The following AHCYL1 variants were observed in gnomAD, a reference collection of about 807,000 sequenced individuals.
The protein encoded by AHCYL1 is adenosylhomocysteinase like 1.
AHCYL1 carries 20 observed loss-of-function variants against 79.3 expected under a neutral mutation model. The observed-to-expected ratio is 0.25, with a 90% CI of 0.18 to 0.37. AHCYL1 has a LOEUF of 0.37. Ranked by LOEUF, AHCYL1 falls within the 10% of genes least tolerant of loss-of-function variation. The probability of loss-of-function intolerance (pLI) is 1.00; values close to 1 mark genes in which losing one functional copy is unlikely to be tolerated. For missense variants in AHCYL1, 330 were observed against 673.6 expected (o/e 0.49, Z 5.65); for synonymous variants, 223 against 242.2 (o/e 0.92, Z 0.74).
intron 1 of AHCYL1, among the ~76,000 whole-genome samples, chr1:109,998,249 T>G (rs1257837750): frequency 6.6e-6 from 1 of 152,210 alleles, no homozygotes; most frequent in African/African-American, 2.4e-5. Context: ...TGCAGTTGTA[T>G]TCAGCTTATG....
At position 110,000,414 on chromosome 1, in the gene AHCYL1, G is replaced by A. The variant is rs190874144; in HGVS notation, c.121-8620G>A. On this transcript the variant is annotated intron_variant, in intron 1 of 16. Coordinates refer to ENST00000369799, the MANE Select transcript of AHCYL1 (RefSeq NM_006621.7). ...TTTGTTACCACAGTGTTTGGGCTCTGCTATTACTGGGCTCTCCTCACCCTT... is the reference window on the plus strand; with the variant it reads ...TTTGTTACCACAGTGTTTGGGCTCTACTATTACTGGGCTCTCCTCACCCTT... Among the ~76,000 whole-genome samples the A allele has an allele frequency of 2.5e-3, 379 of 152,342 alleles. 1 individual carries two copies. The highest frequency in any genetic ancestry group is 4.5e-3 in the Non-Finnish European group (305 of 68,038).
chr1:110,020,991 C>A (rs181200356), intron 16 of AHCYL1, 140 bp downstream of exon 16: 2 of 1,287,196 alleles, frequency 1.6e-6, no homozygotes, highest in African/African-American at 3.1e-5. Flanking sequence ...GGCACGGTGG[C>A]TCACGCCTGT....
chr1:110,014,076 C>T (rs534999441), intron 5 of AHCYL1, among the ~76,000 whole-genome samples: 2 of 152,160 alleles, frequency 1.3e-5, no homozygotes, highest in East Asian at 3.9e-4. Flanking sequence ...GCTGGGATTA[C>T]AGGCGTGAGA....
chr1:110,011,573 A>G (rs1651036329), intron 3 of AHCYL1, among the ~76,000 whole-genome samples: 1 of 152,224 alleles, frequency 6.6e-6, no homozygotes, highest in African/African-American at 2.4e-5. Flanking sequence ...GATTACACAC[A>G]GAGTAGTTTC....
At position 110,021,808 on chromosome 1, in the gene AHCYL1, T is replaced by C. The variant is rs2101749297; in HGVS notation, c.*128T>C. ...TTTCCTATAATTTCATTCTTGTTTT[T>C]TCATCTCATTATCCAAGTTCTGCAG... is the stretch of plus-strand genomic sequence containing the variant. On this transcript the variant is annotated 3_prime_UTR_variant, in exon 17 of 17. Transcript: ENST00000369799. The C allele has an allele frequency of 9.7e-7, 1 of 1,034,784 alleles. No individual in the cohort carries two copies. The highest frequency in any genetic ancestry group is 1.4e-6 in the Non-Finnish European group (1 of 713,312). The allele number at this position is 1,034,784 out of a possible 1,614,324, so 64.1% of individuals were successfully genotyped here.
At chr1:109,989,711 C>T (rs576682117) in intron 1 of AHCYL1, among the ~76,000 whole-genome samples, 3 of 152,240 alleles carry the variant, frequency 2.0e-5, no homozygotes, top group Middle Eastern at 6.8e-3. Flanking sequence ...ATCATTTATA[C>T]GTACCTGTTT....
chr1:110,004,534 A>T, intron 1 of AHCYL1: 1 of 972,620 alleles, frequency 1.0e-6, no homozygotes, highest in Non-Finnish European at 1.2e-6. Context: ...AGTGAAAGGT[A>T]TTCAGACTTG....
chr1:109,989,811 T>C (rs1489536615), intron 1 of AHCYL1, among the ~76,000 whole-genome samples: 1 of 152,228 alleles, frequency 6.6e-6, no homozygotes, highest in Non-Finnish European at 1.5e-5. Context: ...TAGAACTGAA[T>C]AGTAATTCAG....
chr1:109,986,773 G>T (rs1465696565), intron 1 of AHCYL1, among the ~76,000 whole-genome samples: 2 of 152,140 alleles, frequency 1.3e-5, no homozygotes, highest in Non-Finnish European at 2.9e-5. Flanking sequence ...TTAAGGCAGG[G>T]ATTCTTGTTC....
rs761520685 is a variant in AHCYL1, at chr1:110,005,035, A to G, written c.121-3999A>G. 1.2e-3 allele frequency among the ~76,000 whole-genome samples: 180 copies of G among 152,330 alleles called. 1 individual carries two copies. The highest frequency in any genetic ancestry group is 2.2e-3 in the Non-Finnish European group (147 of 68,028). On this transcript the variant is annotated intron_variant, in intron 1 of 16. Transcript: ENST00000369799. Reference sequence around the variant, plus strand: ...AAGAAATATGCTGACCATAATTTCTAAACAGAAAAATCTCTGCACACAATA... The same window carrying G: ...AAGAAATATGCTGACCATAATTTCTGAACAGAAAAATCTCTGCACACAATA...
At chr1:109,985,496 C>G in intron 1 of AHCYL1, 3 of 1,058,762 alleles carry the variant, frequency 2.8e-6, no homozygotes, top group Non-Finnish European at 3.4e-6. Flanking sequence ...TCAGCTGACC[C>G]TTGTGACCAG....
intron 1 of AHCYL1, among the ~76,000 whole-genome samples, chr1:109,999,705 T>A (rs565384310): frequency 6.7e-5 from 5 of 74,970 alleles, no homozygotes; most frequent in East Asian, 5.4e-4. Context: ...AATGGTAAAA[T>A]TTTTTTTTTT....
intron 6 of AHCYL1, 81 bp from the exon 7 acceptor site, chr1:110,015,344 A>T: frequency 9.4e-7 from 1 of 1,063,896 alleles, no homozygotes; most frequent in African/African-American, 1.6e-5. Flanking sequence ...GGGCTCTCTT[A>T]CTAGTACAGA....
chr1:109,985,048 G>A lies in AHCYL1; in HGVS notation c.-5G>A, dbSNP rs1399038471. The stretch of plus-strand genomic sequence containing the variant: ...GGGTCAGCCGCTGGCCGGGCCGGCC[G>A]GGGAATGTCGATGCCTGACGCGATG... On this transcript the variant is annotated 5_prime_UTR_variant, in exon 1 of 17. Coordinates refer to ENST00000369799, the MANE Select transcript of AHCYL1 (RefSeq NM_006621.7). 9 of 1,575,694 alleles carry A rather than the reference G, an allele frequency of 5.7e-6. No individual in the cohort carries two copies. The Admixed American group carries it at 1.1e-4, about 19-fold the overall frequency.
intron 13 of AHCYL1, 171 bp downstream of exon 13, chr1:110,018,821 CT>C: frequency 1.3e-6 from 1 of 763,522 alleles, no homozygotes. Flanking sequence ...AAAAAATCTA[CT>C]TTTTACTAAG....
At chr1:110,010,877 T>G (rs537509219) in intron 2 of AHCYL1, among the ~76,000 whole-genome samples, 1 of 152,330 alleles carries the variant, frequency 6.6e-6, no homozygotes, top group Non-Finnish European at 1.5e-5. Context: ...ATTCTTCTGT[T>G]TTTGCCAGGT....
At position 110,002,571 on chromosome 1, in the gene AHCYL1, C is replaced by T. The variant is rs1273289028; in HGVS notation, c.121-6463C>T. Among the ~76,000 whole-genome samples the T allele has an allele frequency of 3.9e-5, 6 of 152,126 alleles. No homozygotes were observed. In the South Asian group the frequency reaches 8.3e-4, roughly 21 times the overall value. On this transcript the variant is annotated intron_variant, in intron 1 of 16. Coordinates refer to ENST00000369799, the MANE Select transcript of AHCYL1 (RefSeq NM_006621.7). The stretch of plus-strand genomic sequence containing the variant: ...AGCATTGATAGAAAAATAGAAGTTG[C>T]GATTCTATAACCTTCCCAATATAAT...
In AHCYL1 at chr1:110,016,392, C is replaced by T. The variant is rs1183986209; in HGVS notation, c.831C>T (p.Asn277=). 5.0e-6 allele frequency: 8 copies of T among 1,613,968 alleles called. No homozygotes were observed. The highest frequency in any genetic ancestry group is 2.7e-5 in the African/African-American group (2 of 74,920). ...GGAAGCTCTGTGTTCCGGCCATGAA[C>T]GTCAATGATTCTGTTACCAAACAGA... is the stretch of plus-strand genomic sequence containing the variant. ...KAGKLCVPAM[N]VNDSVTKQKF... Residue 277 remains asparagine (N), a synonymous_variant, in exon 8 of 17, where the codon AAC becomes AAT. Transcript: ENST00000369799.
At position 110,020,712 on chromosome 1, in the gene AHCYL1, G is replaced by A. The variant is rs1261283025; in HGVS notation, c.1466-19G>A. On this transcript the variant is annotated intron_variant, in intron 15 of 16. Transcript: ENST00000369799. ...ATTTTGAAAAGGAGTCTGCTCTCCT[G>A]CCACTTTGCTCTTCCTAGATGAATA... is the stretch of plus-strand genomic sequence containing the variant. 1.3e-6 allele frequency: 2 copies of A among 1,584,398 alleles called. No homozygotes were observed. Among genetic ancestry groups the A allele is most frequent in the Non-Finnish European group, 1.7e-6 (2 of 1,168,964 alleles).
Sources: gnomAD v4.1 joint callset for allele counts (sites outside exome capture counted in the v4.1 genomes callset) on GRCh38, gnomAD v4.1.1 for gene constraint, MANE v1.5 for transcripts, NCBI Gene and HGNC (gene_info 2026-07-23, HGNC 2026-07-21) for gene names.